The following ZC3H12B variants were observed in gnomAD, a reference collection of about 807,000 sequenced individuals.
The protein encoded by ZC3H12B is zinc finger CCCH-type containing 12B.
A neutral mutation model predicts 43.9 loss-of-function variants in ZC3H12B; 7 were observed. The observed-to-expected ratio is 0.16, with a 90% confidence interval of 0.09 to 0.30. ZC3H12B has a LOEUF of 0.30. ZC3H12B is among the 10% of genes least tolerant of loss of function. The pLI, the probability that ZC3H12B is intolerant of heterozygous loss-of-function variation, is 1.00. For synonymous variants in ZC3H12B, 222 were observed against 241.7 expected, an observed-to-expected ratio of 0.92 and a Z score of 0.76; for missense variants, 475 against 670.2, an observed-to-expected ratio of 0.71 and a Z score of 3.22.
the ZC3H12B span, among the ~76,000 whole-genome samples, chrX:65,251,444 C>T: frequency 3.6e-5 from 4 of 111,376 alleles, no homozygotes; most frequent in East Asian, 1.1e-3. Flanking sequence ...TCCATATGAA[C>T]TTTATAGTAG....
At chrX:65,048,102 C>T in the ZC3H12B span, among the ~76,000 whole-genome samples, 8 of 111,026 alleles carry the variant, frequency 7.2e-5, no homozygotes, top group African/African-American at 2.6e-4. Flanking sequence ...TGGGTTCTAT[C>T]AATTTGATTA....
At chrX:65,154,703 G>C in the ZC3H12B span, among the ~76,000 whole-genome samples, 1 of 111,168 alleles carries the variant, frequency 9.0e-6, no homozygotes, top group Non-Finnish European at 1.9e-5. Flanking sequence ...AAAAGAATTA[G>C]CTGGGTGTGT....
At chrX:65,248,703 T>C in the ZC3H12B span, among the ~76,000 whole-genome samples, 1 of 111,919 alleles carries the variant, frequency 8.9e-6, no homozygotes, top group Admixed American at 9.5e-5. Flanking sequence ...ACCAACAGTG[T>C]AGAAGTGTTC....
chrX:65,323,273 T>C, the ZC3H12B span, among the ~76,000 whole-genome samples: 27 of 112,016 alleles, frequency 2.4e-4, no homozygotes, highest in Admixed American at 5.7e-4. Context: ...TATAATGTTG[T>C]TGCCTTATCA....
the ZC3H12B span, among the ~76,000 whole-genome samples, chrX:65,125,319 G>C: frequency 9.0e-6 from 1 of 111,682 alleles, no homozygotes; most frequent in Non-Finnish European, 1.9e-5. Context: ...TCCTTTTGGA[G>C]TTGATTTTCA....
the ZC3H12B span, among the ~76,000 whole-genome samples, chrX:65,065,755 C>A: frequency 9.0e-6 from 1 of 110,830 alleles, no homozygotes; most frequent in South Asian, 3.8e-4. Context: ...TGGTTATATT[C>A]TCTTTGTCAG....
chrX:65,429,805 G>A (rs1209823728), intron 3 of ZC3H12B, among the ~76,000 whole-genome samples: 2 of 112,340 alleles, frequency 1.8e-5, no homozygotes, highest in African/African-American at 6.5e-5. Flanking sequence ...AAGCAGTCTA[G>A]CCATAATCTC....
At chrX:65,157,935 A>G in the ZC3H12B span, among the ~76,000 whole-genome samples, 3 of 59,169 alleles carry the variant, frequency 5.1e-5, no homozygotes, top group African/African-American at 1.1e-4. Flanking sequence ...CCCCCACCCC[A>G]CAACAGGCCC....
At chrX:65,240,715 C>T in the ZC3H12B span, among the ~76,000 whole-genome samples, 2 of 112,175 alleles carry the variant, frequency 1.8e-5, no homozygotes, top group African/African-American at 6.5e-5. Context: ...TATTTATCTT[C>T]GGTTTTTGGT....
intron 3 of ZC3H12B, among the ~76,000 whole-genome samples, chrX:65,407,842 G>A (rs1339956023): frequency 3.5e-5 from 4 of 113,362 alleles, no homozygotes; most frequent in Non-Finnish European, 7.5e-5. Flanking sequence ...AAGCAGCTGG[G>A]CCTGGGGCGC....
the ZC3H12B span, among the ~76,000 whole-genome samples, chrX:65,273,745 G>A: frequency 8.9e-6 from 1 of 111,765 alleles, no homozygotes. Context: ...GATAATCAGG[G>A]AATTTCTAAG....
rs564238814 is a variant in ZC3H12B, at chrX:65,411,726, AAAATAAAT to A, written n.407+13049_407+13056del. Among the ~76,000 whole-genome samples, 497 of 107,714 alleles carry A rather than the reference AAAATAAAT, an allele frequency of 4.6e-3. 3 individuals carry two copies. Among genetic ancestry groups the A allele is most frequent in the African/African-American group, 0.015 (428 of 29,408 alleles). 93.5% of individuals were successfully genotyped at this position (107,714 alleles called of 115,157 possible). A position where few individuals can be genotyped will look rare whatever the true frequency, so the allele number is the denominator to read the frequency against. ...GGGCGACAGAGTGAGACTCCATCTC[AAAATAAAT>A]AAATAAATAAATAAATAAATAAATA... On this transcript the variant is annotated intron_variant and non_coding_transcript_variant, in intron 3 of 5. Coordinates refer to the ZC3H12B transcript ENST00000617377.
chrX:65,318,999 C>A, the ZC3H12B span, among the ~76,000 whole-genome samples: 2 of 111,294 alleles, frequency 1.8e-5, no homozygotes, highest in East Asian at 5.6e-4. Context: ...AACAACCTAA[C>A]ATTACACCTA....
At chrX:65,262,530 A>G in the ZC3H12B span, among the ~76,000 whole-genome samples, 1 of 111,624 alleles carries the variant, frequency 9.0e-6, no homozygotes, top group Admixed American at 9.5e-5. Flanking sequence ...CGTGGTAAGG[A>G]TAAAAACATA....
the ZC3H12B span, among the ~76,000 whole-genome samples, chrX:65,175,961 G>A: frequency 9.0e-6 from 1 of 111,677 alleles, no homozygotes; most frequent in East Asian, 2.8e-4. Flanking sequence ...AAAGTGGGTG[G>A]CCATTTGGGC....
At chrX:65,048,217 G>T in the ZC3H12B span, among the ~76,000 whole-genome samples, 1 of 110,970 alleles carries the variant, frequency 9.0e-6, no homozygotes. Context: ...TGTATGCCTG[G>T]ATTGTATGAC....
At chrX:65,116,229 G>C in the ZC3H12B span, among the ~76,000 whole-genome samples, 2 of 111,445 alleles carry the variant, frequency 1.8e-5, no homozygotes, top group Non-Finnish European at 3.8e-5. Flanking sequence ...TTTTGTATAA[G>C]GTAAGAGATG....
At chrX:65,369,468 C>T (rs1334047729) in intron 2 of ZC3H12B, among the ~76,000 whole-genome samples, 4 of 108,970 alleles carry the variant, frequency 3.7e-5, no homozygotes, top group African/African-American at 1.4e-4. Flanking sequence ...TGACTTCTAA[C>T]TCTGTGCTTA....
At chrX:65,273,819 C>T in the ZC3H12B span, among the ~76,000 whole-genome samples, 1 of 112,109 alleles carries the variant, frequency 8.9e-6, no homozygotes. Context: ...GGAAAAAAAA[C>T]TTGCCAAATA....
Sources: allele counts gnomAD v4.1 joint callset (sites outside exome capture counted in the v4.1 genomes callset), GRCh38; gene constraint gnomAD v4.1.1; transcripts MANE v1.5; gene names NCBI Gene and HGNC (gene_info 2026-07-23, HGNC 2026-07-21).